Variants in PDE4D observed in about 807,000 individuals in gnomAD.
PDE4D encodes phosphodiesterase 4D.
In PDE4D, 24 loss-of-function variants were observed where a neutral mutation model predicts 87.4. The ratio of observed to expected loss-of-function variants is 0.27; its 90% confidence interval spans 0.20 to 0.39. The LOEUF (loss-of-function observed/expected upper bound fraction) is 0.39. PDE4D is among the 10% of genes least tolerant of loss of function. The pLI is 1.00. For missense variants in PDE4D, 714 were observed against 1,041.0 expected, an observed-to-expected ratio of 0.69 and a Z score of 4.32; for synonymous variants, 384 against 383.2, an observed-to-expected ratio of 1.00 and a Z score of -0.02.
intron 1 of PDE4D, among the ~76,000 whole-genome samples, chr5:60,307,289 A>C (rs1387121071): frequency 2.0e-5 from 3 of 152,196 alleles, no homozygotes; most frequent in Non-Finnish European, 4.4e-5. Context: ...CTAGATCTTA[A>C]AGTGTATTAG....
chr5:60,140,402 G>C (rs1266212699), intron 2 of PDE4D, among the ~76,000 whole-genome samples: 1 of 151,912 alleles, frequency 6.6e-6, no homozygotes, highest in Non-Finnish European at 1.5e-5. Context: ...CCTCACTTAA[G>C]GGTAAAAGTG....
intron 6 of PDE4D, among the ~76,000 whole-genome samples, chr5:59,036,591 G>T (rs1266898548): frequency 6.6e-6 from 1 of 152,178 alleles, no homozygotes; most frequent in Non-Finnish European, 1.5e-5. Flanking sequence ...TCATGCCCTT[G>T]TTATGAAGAA....
chr5:59,495,176 C>G (rs1806933936), intron 1 of PDE4D, among the ~76,000 whole-genome samples: 1 of 152,164 alleles, frequency 6.6e-6, no homozygotes, highest in African/African-American at 2.4e-5. Context: ...GCTCCTTGAC[C>G]ACACTGAAGT....
At chr5:59,561,651 C>T (rs1309414021) in intron 1 of PDE4D, among the ~76,000 whole-genome samples, 1 of 151,960 alleles carries the variant, frequency 6.6e-6, no homozygotes, top group Non-Finnish European at 1.5e-5. Flanking sequence ...TAAAAGGGAC[C>T]AGGCATGGTG....
intron 4 of PDE4D, 88 bp downstream of exon 4, chr5:59,185,101 G>T: frequency 2.1e-6 from 2 of 942,960 alleles, no homozygotes; most frequent in Non-Finnish European, 3.3e-6. Context: ...ACACAGAGAA[G>T]TCTAACATAT....
intron 1 of PDE4D, among the ~76,000 whole-genome samples, chr5:60,517,110 T>C (rs956091559): frequency 1.3e-5 from 2 of 152,192 alleles, no homozygotes; most frequent in African/African-American, 2.4e-5. Context: ...CAAAGTTAAG[T>C]GCAAGCTGGG....
At chr5:59,137,806 G>GT (rs1561549870) in intron 5 of PDE4D, among the ~76,000 whole-genome samples, 1 of 152,186 alleles carries the variant, frequency 6.6e-6, no homozygotes, top group African/African-American at 2.4e-5. Context: ...GATTACAGGC[G>GT]TAAGCCACCA....
chr5:59,125,980 T>C (rs1201097363), intron 5 of PDE4D, among the ~76,000 whole-genome samples: 3 of 151,874 alleles, frequency 2.0e-5, no homozygotes, highest in African/African-American at 7.3e-5. Context: ...CAATAATACA[T>C]CCTCACAATC....
intron 1 of PDE4D, among the ~76,000 whole-genome samples, chr5:60,265,990 TG>T (rs1483316327): frequency 6.6e-6 from 1 of 152,124 alleles, no homozygotes; most frequent in Non-Finnish European, 1.5e-5. Flanking sequence ...CCTCCTGAGA[TG>T]GCAGACAGCT....
intron 1 of PDE4D, among the ~76,000 whole-genome samples, chr5:59,421,200 A>T (rs1286053276): frequency 6.6e-6 from 1 of 152,198 alleles, no homozygotes; most frequent in Non-Finnish European, 1.5e-5. Flanking sequence ...AGGCAAATTC[A>T]TTGTTTTTTG....
chr5:60,445,172 C>T (rs1029984161), intron 1 of PDE4D, among the ~76,000 whole-genome samples: 10 of 152,068 alleles, frequency 6.6e-5, no homozygotes, highest in African/African-American at 1.9e-4. Flanking sequence ...GACATTATGA[C>T]GACCATCTGG....
At chr5:59,331,331 C>T (rs1180707620) in intron 1 of PDE4D, among the ~76,000 whole-genome samples, 1 of 152,140 alleles carries the variant, frequency 6.6e-6, no homozygotes, top group Non-Finnish European at 1.5e-5. Context: ...GGAGACCTCT[C>T]CTCTTGGCTT....
intron 12 of PDE4D, 39 bp downstream of exon 12, chr5:58,977,152 C>T (rs763730979): frequency 2.6e-5 from 40 of 1,556,970 alleles, no homozygotes; most frequent in Non-Finnish European, 3.5e-5. Context: ...AAACAACTTG[C>T]ATCACAGTTC....
chr5:59,285,093 G>A (rs1381426285), intron 1 of PDE4D, among the ~76,000 whole-genome samples: 3 of 126,392 alleles, frequency 2.4e-5, no homozygotes, highest in Non-Finnish European at 3.3e-5. Flanking sequence ...GGATAGCATT[G>A]GGAGATATAC....
intron 1 of PDE4D, among the ~76,000 whole-genome samples, chr5:59,774,556 T>TA (rs1561642621): frequency 2.3e-5 from 2 of 88,004 alleles, no homozygotes; most frequent in African/African-American, 1.6e-4. Flanking sequence ...TCTAGTTATA[T>TA]GGGGTTTTTT....
At chr5:59,574,593 C>T (rs1355472868) in intron 1 of PDE4D, among the ~76,000 whole-genome samples, 1 of 152,084 alleles carries the variant, frequency 6.6e-6, no homozygotes, top group Non-Finnish European at 1.5e-5. Context: ...CTTTCCCTTG[C>T]ATTGTACTAC....
intron 1 of PDE4D, among the ~76,000 whole-genome samples, chr5:59,388,578 G>T (rs1787566543): frequency 6.6e-6 from 1 of 150,646 alleles, no homozygotes; most frequent in African/African-American, 2.4e-5. Flanking sequence ...CAAAGATACA[G>T]AATCAACCTA....
intron 1 of PDE4D, among the ~76,000 whole-genome samples, chr5:60,231,527 T>G (rs141953311): frequency 6.4e-4 from 97 of 152,060 alleles, no homozygotes; most frequent in African/African-American, 2.2e-3. Flanking sequence ...CCCTAGAATT[T>G]TCAATGATAG....
At chr5:59,489,506 C>T (rs1805801098) in intron 1 of PDE4D, among the ~76,000 whole-genome samples, 2 of 152,082 alleles carry the variant, frequency 1.3e-5, no homozygotes, top group South Asian at 4.1e-4. Flanking sequence ...TGGAGAATTA[C>T]CTTACAAGGT....
Sources: allele counts gnomAD v4.1 joint callset (sites outside exome capture counted in the v4.1 genomes callset), GRCh38; gene constraint gnomAD v4.1.1; transcripts MANE v1.5; gene names NCBI Gene and HGNC (gene_info 2026-07-23, HGNC 2026-07-21).